The following EPHA3 variants were observed in gnomAD, a reference collection of about 807,000 sequenced individuals.
The protein encoded by EPHA3 is EPH receptor A3, also known as ephrin type-A receptor 3.
In EPHA3, 42 loss-of-function variants were observed where a neutral mutation model predicts 107.1. The observed-to-expected ratio is 0.39, with a 90% CI of 0.31 to 0.51. The LOEUF is 0.51. Among genes scored for constraint, EPHA3 ranks in the 20% least tolerant of loss-of-function variants. EPHA3 has a pLI of 0.78. For synonymous variants in EPHA3, 461 were observed against 424.8 expected (o/e 1.09, Z -1.05); for missense variants, 1,183 against 1,211.2 (o/e 0.98, Z 0.35).
At chr3:89,323,531 G>A (rs1250064218) in intron 3 of EPHA3, among the ~76,000 whole-genome samples, 1 of 152,032 alleles carries the variant, frequency 6.6e-6, no homozygotes, top group Admixed American at 6.6e-5. Context: ...CATGATTTTT[G>A]TTGGTATGAT....
chr3:89,240,403 T>C (rs1278151678), intron 3 of EPHA3, among the ~76,000 whole-genome samples: 1 of 152,134 alleles, frequency 6.6e-6, no homozygotes, highest in Non-Finnish European at 1.5e-5. Flanking sequence ...TATGCACATA[T>C]TTATACCAGC....
At chr3:89,205,124 A>T (rs1305330360) in intron 2 of EPHA3, among the ~76,000 whole-genome samples, 1 of 152,180 alleles carries the variant, frequency 6.6e-6, no homozygotes, top group Non-Finnish European at 1.5e-5. Context: ...AATATTTTCC[A>T]AATTATATTA....
At chr3:89,111,304 T>A (rs1330216038) in intron 1 of EPHA3, among the ~76,000 whole-genome samples, 1 of 152,104 alleles carries the variant, frequency 6.6e-6, no homozygotes, top group African/African-American at 2.4e-5. Flanking sequence ...ACTTTTCATA[T>A]ATAAACACTT....
At chr3:89,124,206 A>G (rs1704039456) in intron 1 of EPHA3, among the ~76,000 whole-genome samples, 1 of 152,172 alleles carries the variant, frequency 6.6e-6, no homozygotes, top group African/African-American at 2.4e-5. Context: ...TAGAGAGGGG[A>G]CAGCATTATA....
intron 10 of EPHA3, 25 bp downstream of exon 10, chr3:89,413,291 A>G (rs1709189660): frequency 6.2e-7 from 1 of 1,610,676 alleles, no homozygotes; most frequent in African/African-American, 1.3e-5. Flanking sequence ...CCTACTGCCA[A>G]CTTAGTACTG....
intron 3 of EPHA3, among the ~76,000 whole-genome samples, chr3:89,240,667 T>C (rs1285603203): frequency 6.6e-6 from 1 of 152,002 alleles, no homozygotes; most frequent in African/African-American, 2.4e-5. Context: ...AGAATATTTT[T>C]AGAAAATAAA....
chr3:89,198,410 A>G (rs1235581108), intron 2 of EPHA3, among the ~76,000 whole-genome samples: 1 of 150,344 alleles, frequency 6.7e-6, no homozygotes, highest in African/African-American at 2.5e-5. Flanking sequence ...TGAATCTCTT[A>G]GTTATTAAGT....
chr3:89,132,371 A>C (rs1388231237), intron 2 of EPHA3, among the ~76,000 whole-genome samples: 1 of 152,208 alleles, frequency 6.6e-6, no homozygotes, highest in Non-Finnish European at 1.5e-5. Flanking sequence ...TCTTTGCTCA[A>C]ATATTCTAAT....
chr3:89,335,433 T>C (rs910580143), intron 3 of EPHA3, among the ~76,000 whole-genome samples: 1 of 152,186 alleles, frequency 6.6e-6, no homozygotes, highest in Non-Finnish European at 1.5e-5. Flanking sequence ...GATTTCAACA[T>C]ATATATTTTA....
chr3:89,378,881 C>A (rs1370824119), intron 5 of EPHA3, among the ~76,000 whole-genome samples: 1 of 152,060 alleles, frequency 6.6e-6, no homozygotes, highest in Non-Finnish European at 1.5e-5. Flanking sequence ...TTAATCAGTT[C>A]TCAAAATTCT....
At chr3:89,259,088 T>G (rs1705355266) in intron 3 of EPHA3, among the ~76,000 whole-genome samples, 1 of 152,182 alleles carries the variant, frequency 6.6e-6, no homozygotes, top group Admixed American at 6.5e-5. Flanking sequence ...GAAGAGTATG[T>G]GGGGATGCTG....
At chr3:89,475,456 A>C (rs1256129201) in intron 16 of EPHA3, among the ~76,000 whole-genome samples, 1 of 152,166 alleles carries the variant, frequency 6.6e-6, no homozygotes, top group African/African-American at 2.4e-5. Context: ...ATATTAATTT[A>C]TTTTCGTTAG....
At chr3:89,460,382 A>G (rs573498855) in intron 15 of EPHA3, among the ~76,000 whole-genome samples, 200 of 152,326 alleles carry the variant, frequency 1.3e-3, no homozygotes, top group Middle Eastern at 3.4e-3. Flanking sequence ...CAATATATTT[A>G]ATAATATTTA....
chr3:89,263,010 G>A (rs556553658), intron 3 of EPHA3, among the ~76,000 whole-genome samples: 9 of 134,208 alleles, frequency 6.7e-5, no homozygotes, highest in Non-Finnish European at 1.4e-4. Context: ...TTAAGTTCTC[G>A]GATACATGTG....
chr3:89,474,716 A>G (rs1250131410), intron 16 of EPHA3, among the ~76,000 whole-genome samples: 1 of 152,252 alleles, frequency 6.6e-6, no homozygotes, highest in Non-Finnish European at 1.5e-5. Flanking sequence ...ATTATAAGCT[A>G]TGAATGTGAT....
intron 3 of EPHA3, among the ~76,000 whole-genome samples, chr3:89,282,360 T>C (rs1004779864): frequency 6.6e-6 from 1 of 152,158 alleles, no homozygotes; most frequent in Non-Finnish European, 1.5e-5. Flanking sequence ...ATAGCAGATA[T>C]TTATTCTCCA....
rs1246784896 is a variant in EPHA3 at position 89,127,264 on chromosome 3, A to G, written c.144A>G (p.Pro48=). The G allele has an allele frequency of 6.2e-7, 1 of 1,612,094 alleles. No individual in the cohort carries two copies. Residue 48 remains proline, a synonymous_variant, in exon 2 of 17, where the codon CCA becomes CCG. Coordinates refer to ENST00000336596, the MANE Select transcript of EPHA3 (RefSeq NM_005233.6). ...IQGELGWISY[P]SHGWEEISGV... is the part of the protein sequence containing the mutation. ...GGGAGCTGGGCTGGATCTCTTATCC[A>G]TCACATGGGGTGAGTTCAATAAACT...
chr3:89,350,521 A>C (rs1181424949), intron 5 of EPHA3, among the ~76,000 whole-genome samples: 1 of 149,726 alleles, frequency 6.7e-6, no homozygotes, highest in East Asian at 2.0e-4. Flanking sequence ...CATTCTTCTA[A>C]ATTTTTTTCA....
chr3:89,119,800 G>C (rs1220442994), intron 1 of EPHA3, among the ~76,000 whole-genome samples: 1 of 152,140 alleles, frequency 6.6e-6, no homozygotes, highest in Non-Finnish European at 1.5e-5. Flanking sequence ...AAAATGTCCA[G>C]AGGATGTTTT....
Sources: allele counts gnomAD v4.1 joint callset (sites outside exome capture counted in the v4.1 genomes callset), GRCh38; gene constraint gnomAD v4.1.1; transcripts MANE v1.5; gene names NCBI Gene and HGNC (gene_info 2026-07-23, HGNC 2026-07-21).